Variants in CACNA2D3 observed in about 807,000 individuals in gnomAD.
The protein encoded by CACNA2D3 is calcium voltage-gated channel auxiliary subunit alpha2delta 3.
In CACNA2D3, 60 loss-of-function variants were observed where a neutral mutation model predicts 160.6. That is an observed-to-expected ratio of 0.37 (90% CI 0.30 to 0.46). The LOEUF is 0.46. Ranked by LOEUF, CACNA2D3 falls within the 20% of genes least tolerant of loss-of-function variation. The pLI, the probability that CACNA2D3 is intolerant of heterozygous loss-of-function variation, is 1.00. For synonymous variants in CACNA2D3, 558 were observed against 492.9 expected (o/e 1.13, Z -1.75); for missense variants, 1,205 against 1,365.0 (o/e 0.88, Z 1.85).
intron 2 of CACNA2D3, among the ~76,000 whole-genome samples, chr3:54,240,798 A>G (rs1183275265): frequency 1.3e-5 from 2 of 152,052 alleles, no homozygotes; most frequent in Non-Finnish European, 2.9e-5. Context: ...CAATGGTGCA[A>G]TGGTGCGATC....
Position 55,074,093 on chromosome 3 carries a change from AACCCC to A in CACNA2D3, c.3184-20_3184-16del. 6.2e-7 allele frequency: 1 copy of A among 1,602,636 alleles called. No homozygotes were observed. Among genetic ancestry groups the A allele is most frequent in the Non-Finnish European group, 8.6e-7 (1 of 1,169,452 alleles). On this transcript the variant is annotated splice_polypyrimidine_tract_variant and intron_variant, in intron 37 of 37. Coordinates refer to ENST00000474759, the MANE Select transcript of CACNA2D3 (RefSeq NM_018398.3). ...TCCTGGAGTCTATTTCCGTCTAACC[AACCCC>A]TGCCTTTCCCCATAGGAGAATGCAA...
intron 24 of CACNA2D3, 33 bp from the exon 25 acceptor site, chr3:54,891,322 G>A: frequency 2.0e-6 from 3 of 1,471,746 alleles, no homozygotes; most frequent in Non-Finnish European, 2.9e-6. Flanking sequence ...ACTGTCTAGA[G>A]GCCTCCCCCT....
chr3:54,271,613 T>G (rs1179592813), intron 2 of CACNA2D3, among the ~76,000 whole-genome samples: 4 of 152,196 alleles, frequency 2.6e-5, no homozygotes, highest in African/African-American at 9.7e-5. Flanking sequence ...AAAAGTCACT[T>G]TTTTTTCTTC....
chr3:54,420,842 G>A lies in CACNA2D3; in HGVS notation c.381+34068G>A, dbSNP rs575799657. On this transcript the variant is annotated intron_variant, in intron 4 of 37. Transcript: ENST00000474759. ...TTTTTTCTGTGACCAGTGGGTAAAC[G>A]TTAGGATTTCTGGAAAGCAGCTTTT... Among the ~76,000 whole-genome samples, 11 of 152,320 alleles carry A rather than the reference G, an allele frequency of 7.2e-5. No homozygotes were observed. In the East Asian group the frequency reaches 1.9e-3, roughly 27 times the overall value.
At chr3:54,318,157 C>T (rs1703909625) in intron 2 of CACNA2D3, among the ~76,000 whole-genome samples, 1 of 152,106 alleles carries the variant, frequency 6.6e-6, no homozygotes, top group African/African-American at 2.4e-5. Flanking sequence ...TGGGCTGTGG[C>T]AGCAACCACA....
chr3:54,324,548 C>A (rs567053337), intron 3 of CACNA2D3, among the ~76,000 whole-genome samples: 1 of 151,962 alleles, frequency 6.6e-6, no homozygotes, highest in African/African-American at 2.4e-5. Context: ...TTTTTAATGC[C>A]ATTGGTGGTT....
At position 54,816,947 on chromosome 3, in the gene CACNA2D3, G is replaced by A. The variant is rs546715840; in HGVS notation, c.1398+77G>A. 1.9e-5 allele frequency: 29 copies of A among 1,521,056 alleles called. No homozygotes were observed. In the Admixed American group the frequency reaches 3.5e-4, roughly 18 times the overall value. 94.2% of individuals were successfully genotyped at this position (1,521,056 alleles called of 1,614,324 possible). ...CATGCCTCCATGGTGTTGTACATTT[G>A]ACACTGTTCATGACCAGTGAAATGG... On this transcript the variant is annotated intron_variant, in intron 14 of 37. Transcript: ENST00000474759.
intron 11 of CACNA2D3, among the ~76,000 whole-genome samples, chr3:54,683,539 T>C (rs1700391971): frequency 6.6e-6 from 1 of 152,174 alleles, no homozygotes; most frequent in African/African-American, 2.4e-5. Flanking sequence ...AAATTACCAA[T>C]ACTTAGGTCA....
chr3:54,782,231 A>C (rs1403117096), intron 13 of CACNA2D3, among the ~76,000 whole-genome samples: 2 of 152,234 alleles, frequency 1.3e-5, no homozygotes, highest in Non-Finnish European at 1.5e-5. Flanking sequence ...ATTAGCATTC[A>C]CATTTGTATC....
At chr3:55,013,963 G>A (rs925806204) in intron 34 of CACNA2D3, among the ~76,000 whole-genome samples, 1 of 152,166 alleles carries the variant, frequency 6.6e-6, no homozygotes, top group African/African-American at 2.4e-5. Flanking sequence ...CATTGTGAGT[G>A]GGTGATAGGT....
chr3:54,738,642 C>T (rs1393209324), intron 11 of CACNA2D3, among the ~76,000 whole-genome samples: 1 of 152,190 alleles, frequency 6.6e-6, no homozygotes, highest in Non-Finnish European at 1.5e-5. Flanking sequence ...TGTTTGCTCC[C>T]TTGCAGAGCA....
chr3:54,658,319 C>G lies in CACNA2D3; in HGVS notation c.1167+16078C>G, dbSNP rs528341767. ...CACCAACAGGGCACAAGTGTTCTTC[C>G]TTTTTCTCATCAACACTTGTTATAT... is the stretch of plus-strand genomic sequence containing the variant. On this transcript the variant is annotated intron_variant, in intron 11 of 37. Transcript: ENST00000474759. Among the ~76,000 whole-genome samples, 5 of 152,278 alleles carry G rather than the reference C, an allele frequency of 3.3e-5. No individual in the cohort carries two copies. In the South Asian group the frequency reaches 8.3e-4, roughly 25 times the overall value.
At chr3:54,521,985 T>A (rs188947974) in intron 5 of CACNA2D3, among the ~76,000 whole-genome samples, 1 of 152,302 alleles carries the variant, frequency 6.6e-6, no homozygotes, top group Admixed American at 6.5e-5. Context: ...GTCCTCTGAT[T>A]TTGTTCATAT....
At chr3:54,798,161 T>G (rs1202200964) in intron 13 of CACNA2D3, among the ~76,000 whole-genome samples, 1 of 152,232 alleles carries the variant, frequency 6.6e-6, no homozygotes, top group African/African-American at 2.4e-5. Context: ...TTCTCAAACT[T>G]TGTAATTCTT....
In CACNA2D3 at chr3:55,038,864, C is replaced by CTATATA. The variant is rs10576329; in HGVS notation, c.2987+20586_2987+20591dup. Among the ~76,000 whole-genome samples, 366 of 99,000 alleles carry CTATATA rather than the reference C, an allele frequency of 3.7e-3. 1 individual carries two copies. The highest frequency in any genetic ancestry group is 6.7e-3 in the Middle Eastern group (1 of 150). 64.9% of individuals were successfully genotyped at this position (99,000 alleles called of 152,430 possible). A position where few individuals can be genotyped will look rare whatever the true frequency, so the allele number is the denominator to read the frequency against. On this transcript the variant is annotated intron_variant, in intron 35 of 37. Coordinates refer to ENST00000474759, the MANE Select transcript of CACNA2D3 (RefSeq NM_018398.3). ...TAAGATAAGTGAAGTAGCCAGGATG[C>CTATATA]TATATATATATATATATATATATAT... is the stretch of plus-strand genomic sequence containing the variant.
At chr3:54,158,561 G>A (rs1700284183) in intron 2 of CACNA2D3, among the ~76,000 whole-genome samples, 1 of 152,154 alleles carries the variant, frequency 6.6e-6, no homozygotes, top group Non-Finnish European at 1.5e-5. Flanking sequence ...TGTAGATACT[G>A]AACTGGCTTC....
intron 11 of CACNA2D3, among the ~76,000 whole-genome samples, chr3:54,722,569 G>A (rs1701188567): frequency 6.6e-6 from 1 of 152,130 alleles, no homozygotes; most frequent in Non-Finnish European, 1.5e-5. Flanking sequence ...GGTCTTTTAT[G>A]TTGGTGACCT....
chr3:54,871,043 TACACACACACACACACACAC>T (rs58370850), intron 17 of CACNA2D3, among the ~76,000 whole-genome samples: 3,042 of 143,022 alleles, frequency 0.021, 108 homozygotes, highest in African/African-American at 0.069. Context: ...AGCTTTGGGA[TACACACACACACACACACAC>T]ACACACACAC....
At chr3:54,480,833 G>A (rs948279525) in intron 4 of CACNA2D3, among the ~76,000 whole-genome samples, 3 of 152,192 alleles carry the variant, frequency 2.0e-5, no homozygotes, top group African/African-American at 7.2e-5. Context: ...AACTCTTAGG[G>A]TCATCTGGTG....
Sources: allele counts gnomAD v4.1 joint callset (sites outside exome capture counted in the v4.1 genomes callset), GRCh38; gene constraint gnomAD v4.1.1; transcripts MANE v1.5; gene names NCBI Gene and HGNC (gene_info 2026-07-23, HGNC 2026-07-21).